HTR1F: variants seen among roughly 807,000 people sequenced by gnomAD.
The protein encoded by HTR1F is 5-hydroxytryptamine receptor 1F, also known as 5-hydroxytryptamine (serotonin) receptor 1F, G protein-coupled.
A neutral mutation model predicts 24.0 loss-of-function variants in HTR1F; 17 were observed. The ratio of observed to expected loss-of-function variants is 0.71; its 90% CI spans 0.48 to 1.06. HTR1F has a LOEUF of 1.06. Ranked by LOEUF, HTR1F falls within the 50% of genes least tolerant of loss-of-function variation. The pLI is 0.00. For missense variants in HTR1F, 391 were observed against 427.8 expected, an observed-to-expected ratio of 0.91 and a Z score of 0.76; for synonymous variants, 186 against 156.8, an observed-to-expected ratio of 1.19 and a Z score of -1.39.
chr3:87,891,134 C>A (rs1167574248), intron 2 of HTR1F, among the ~76,000 whole-genome samples: 1 of 152,124 alleles, frequency 6.6e-6, no homozygotes, highest in Non-Finnish European at 1.5e-5. Flanking sequence ...AGCCACCGCA[C>A]CCAGCTCACT....
chr3:87,850,784 T>C (rs969569409), intron 2 of HTR1F, among the ~76,000 whole-genome samples: 1 of 151,228 alleles, frequency 6.6e-6, no homozygotes, highest in African/African-American at 2.4e-5. Context: ...ATAAAGTTTG[T>C]ATGCAGATTT....
chr3:87,945,117 T>TCTCTCTCTCTCTCCTCCGTCTCTCC (rs1704666197), intron 2 of HTR1F, among the ~76,000 whole-genome samples: 5 of 151,742 alleles, frequency 3.3e-5, no homozygotes, highest in Non-Finnish European at 7.4e-5. Context: ...CCTCCATCTC[T>TCTCTCTCTCTCTCCTCCGTCTCTCC]CTCTCTCTCT....
At chr3:87,933,988 A>G (rs753633655) in intron 2 of HTR1F, among the ~76,000 whole-genome samples, 25 of 152,116 alleles carry the variant, frequency 1.6e-4, no homozygotes, top group Non-Finnish European at 3.4e-4. Flanking sequence ...TTAAATTTCT[A>G]TTGGTCAGCT....
intron 2 of HTR1F, among the ~76,000 whole-genome samples, chr3:87,926,316 T>C (rs1704125892): frequency 6.6e-6 from 1 of 152,200 alleles, no homozygotes; most frequent in Non-Finnish European, 1.5e-5. Flanking sequence ...GACAGTAGGA[T>C]ATGCACAGAG....
intron 2 of HTR1F, among the ~76,000 whole-genome samples, chr3:87,961,883 G>A (rs1705069538): frequency 1.3e-5 from 2 of 151,080 alleles, no homozygotes; most frequent in African/African-American, 4.9e-5. Context: ...ATAAAATATA[G>A]GACAGCAGGC....
intron 2 of HTR1F, among the ~76,000 whole-genome samples, chr3:87,831,325 T>C (rs1404728851): frequency 6.9e-6 from 1 of 145,286 alleles, no homozygotes; most frequent in Non-Finnish European, 1.5e-5. Flanking sequence ...TAAAAGATAT[T>C]AAGAAATTAT....
intron 2 of HTR1F, among the ~76,000 whole-genome samples, chr3:87,851,967 CAAAA>C (rs772352453): frequency 1.0e-5 from 1 of 99,508 alleles, no homozygotes. Context: ...ACATCCAAGC[CAAAA>C]AAAAAAAAAA....
chr3:87,812,905 A>C (rs1011034838), intron 1 of HTR1F, among the ~76,000 whole-genome samples: 10 of 151,096 alleles, frequency 6.6e-5, no homozygotes, highest in African/African-American at 2.5e-4. Flanking sequence ...GCATGTGCAG[A>C]GTCAAGAAGT....
intron 2 of HTR1F, among the ~76,000 whole-genome samples, chr3:87,921,398 C>T (rs866182451): frequency 5.9e-5 from 9 of 151,824 alleles, no homozygotes; most frequent in Middle Eastern, 6.3e-3. Context: ...AAGGCAAGTT[C>T]CAGAATGTCA....
chr3:87,952,349 G>T (rs1177627414), intron 2 of HTR1F, among the ~76,000 whole-genome samples: 1 of 151,914 alleles, frequency 6.6e-6, no homozygotes, highest in African/African-American at 2.4e-5. Flanking sequence ...CATCCCCAAA[G>T]AGCAACTGAG....
At chr3:87,875,941 A>G (rs986723194) in intron 2 of HTR1F, among the ~76,000 whole-genome samples, 13 of 147,786 alleles carry the variant, frequency 8.8e-5, no homozygotes, top group East Asian at 7.9e-4. Context: ...AAAAAAAAAA[A>G]GGGCAAGACT....
intron 2 of HTR1F, among the ~76,000 whole-genome samples, chr3:87,882,671 C>G (rs1705832132): frequency 7.6e-6 from 1 of 132,448 alleles, no homozygotes. Context: ...CATATGGACA[C>G]AGGAAGGGGA....
intron 2 of HTR1F, among the ~76,000 whole-genome samples, chr3:87,974,857 T>C (rs1705361343): frequency 6.6e-6 from 1 of 152,172 alleles, no homozygotes; most frequent in Admixed American, 6.5e-5. Context: ...TGATTGATGC[T>C]CAAAACTTAG....
chr3:87,980,916 G>A (rs1159675445), intron 2 of HTR1F, among the ~76,000 whole-genome samples: 2 of 152,200 alleles, frequency 1.3e-5, no homozygotes, highest in East Asian at 3.9e-4. Context: ...GAACCTGCAG[G>A]GGCAGGGAGG....
intron 2 of HTR1F, among the ~76,000 whole-genome samples, chr3:87,889,234 A>G (rs1706025969): frequency 2.6e-5 from 4 of 152,152 alleles, no homozygotes; most frequent in Admixed American, 6.6e-5. Context: ...CAGAACCATA[A>G]GTTAAATAAA....
At chr3:87,827,642 A>G (rs1160597948) in intron 2 of HTR1F, among the ~76,000 whole-genome samples, 2 of 152,220 alleles carry the variant, frequency 1.3e-5, no homozygotes, top group Admixed American at 1.3e-4. Context: ...ATATTTTTCC[A>G]GTTTTGTAAA....
At chr3:87,873,083 T>C (rs1253085907) in intron 2 of HTR1F, among the ~76,000 whole-genome samples, 11 of 143,672 alleles carry the variant, frequency 7.7e-5, no homozygotes, top group African/African-American at 3.0e-4. Context: ...GATGGATACA[T>C]ACATGCATAC....
intron 2 of HTR1F, among the ~76,000 whole-genome samples, chr3:87,966,590 T>C (rs1197434696): frequency 6.6e-6 from 1 of 152,234 alleles, no homozygotes; most frequent in African/African-American, 2.4e-5. Context: ...AATGATATAT[T>C]AGTTAAATTT....
At chr3:87,895,474 A>T (rs564512002) in intron 2 of HTR1F, among the ~76,000 whole-genome samples, 14 of 152,210 alleles carry the variant, frequency 9.2e-5, no homozygotes, top group Middle Eastern at 3.4e-3. Context: ...TATTGATGGG[A>T]TACCAACTCT....
Sources: gnomAD v4.1 joint callset for allele counts (sites outside exome capture counted in the v4.1 genomes callset) on GRCh38, gnomAD v4.1.1 for gene constraint, MANE v1.5 for transcripts, NCBI Gene and HGNC (gene_info 2026-07-23, HGNC 2026-07-21) for gene names.